The following SLC35G2 variants were observed in gnomAD, a reference collection of about 807,000 sequenced individuals.
The protein encoded by SLC35G2 is solute carrier family 35 member G2.
SLC35G2 carries 20 observed loss-of-function variants against 27.2 expected under a neutral mutation model. That is an observed-to-expected ratio of 0.74 (90% CI 0.52 to 1.07). SLC35G2 has a LOEUF of 1.07. SLC35G2 is among the 50% of genes least tolerant of loss of function. The pLI is 0.00. For synonymous variants in SLC35G2, 148 were observed against 165.3 expected (o/e 0.90, Z 0.80); for missense variants, 416 against 493.3 (o/e 0.84, Z 1.48).
At chr3:136,854,342 C>T (rs896624752) in intron 1 of SLC35G2, 101 bp from the exon 2 acceptor site, 1 of 768,664 alleles carries the variant, frequency 1.3e-6, no homozygotes, top group South Asian at 2.0e-5. Flanking sequence ...ACTACTGTTA[C>T]AGCCTCTACT....
Position 136,855,828 on chromosome 3 carries a change from C to A in SLC35G2, c.*129C>A. 3 of 662,422 alleles carry A rather than the reference C, an allele frequency of 4.5e-6. No individual in the cohort carries two copies. Among genetic ancestry groups the A allele is most frequent in the Non-Finnish European group, 7.6e-6 (3 of 394,474 alleles). 41.0% of individuals were successfully genotyped at this position (662,422 alleles called of 1,614,324 possible). A position where few individuals can be genotyped will look rare whatever the true frequency, so the allele number is the denominator to read the frequency against. ...ATAAAATATATAATATATACAAATG[C>A]AGAAAATTTATTCTAGTCTAATATA... On this transcript the variant is annotated 3_prime_UTR_variant, in exon 2 of 2. Coordinates refer to ENST00000446465, the MANE Select transcript of SLC35G2 (RefSeq NM_025246.3).
chr3:136,855,273 A>G lies in SLC35G2; in HGVS notation c.813A>G (p.Ser271=). The part of the protein sequence containing the change: ...TVMAGLTTAL[S]MIVYRSIKEK... ...TGGCTGGACTGACCACTGCTCTCTC[A>G]ATGATAGTATACAGATCCATCAAGG... is the stretch of plus-strand genomic sequence containing the variant. The change falls in exon 2 of 2, where the codon TCA becomes TCG. Residue 271 remains serine (S), a synonymous_variant. Transcript: ENST00000446465. 1 of 1,613,998 alleles carries G rather than the reference A, an allele frequency of 6.2e-7. No individual in the cohort carries two copies. Among genetic ancestry groups the G allele is most frequent in the Non-Finnish European group, 8.5e-7 (1 of 1,179,848 alleles).
chr3:136,847,970 C>G (rs1456082169), intron 1 of SLC35G2, among the ~76,000 whole-genome samples: 1 of 152,148 alleles, frequency 6.6e-6, no homozygotes, highest in Non-Finnish European at 1.5e-5. Context: ...GAGCAAGACT[C>G]TGTCTCAAAA....
intron 1 of SLC35G2, among the ~76,000 whole-genome samples, chr3:136,821,990 G>GTA (rs930324561): frequency 1.3e-5 from 2 of 151,782 alleles, no homozygotes; most frequent in African/African-American, 2.4e-5. Context: ...TGGTACATAG[G>GTA]TATATATATA....
intron 1 of SLC35G2, among the ~76,000 whole-genome samples, chr3:136,851,149 G>A (rs1385564384): frequency 6.6e-6 from 1 of 152,048 alleles, no homozygotes; most frequent in Non-Finnish European, 1.5e-5. Context: ...AGTGGCTAGA[G>A]GTGAGGAAAG....
rs765540686 is a variant in SLC35G2, at chr3:136,854,465, A to G, written c.5A>G (p.Asp2Gly). 6.4e-7 allele frequency: 1 copy of G among 1,570,896 alleles called. No homozygotes were observed. Among genetic ancestry groups the G allele is most frequent in the Non-Finnish European group, 8.6e-7 (1 of 1,159,208 alleles). The change falls in exon 2 of 2, where the codon GAT becomes GGT. Residue 2 changes from aspartate to glycine, a missense_variant. Transcript: ENST00000446465. Reference sequence around the variant, plus strand: ...TAGAATTGATTATCTGAAGAAATGGATACTTCTCCCTCCAGAAAATATCCA... The same window carrying G: ...TAGAATTGATTATCTGAAGAAATGGGTACTTCTCCCTCCAGAAAATATCCA... M[D>G]TSPSRKYPVK...
At chr3:136,837,683 T>G (rs1936911958) in intron 1 of SLC35G2, 1 of 152,188 alleles carries the variant, frequency 6.6e-6, no homozygotes, top group African/African-American at 2.4e-5. Context: ...TTTCCAATTT[T>G]TCATTGTATA....
chr3:136,849,124 G>C (rs1413309512), intron 1 of SLC35G2, among the ~76,000 whole-genome samples: 1 of 151,312 alleles, frequency 6.6e-6, no homozygotes, highest in Non-Finnish European at 1.5e-5. Context: ...GTTGTAGTGA[G>C]CCAAGATCAT....
At chr3:136,853,049 T>G (rs1937751339) in intron 1 of SLC35G2, among the ~76,000 whole-genome samples, 1 of 152,194 alleles carries the variant, frequency 6.6e-6, no homozygotes, top group South Asian at 2.1e-4. Context: ...ATTCTTACAG[T>G]AAGTTCAACT....
rs114346873 is a variant in SLC35G2 at position 136,824,798 on chromosome 3, G to A, written c.-19+5170G>A. Among the ~76,000 whole-genome samples, 1,324 of 152,054 alleles carry A rather than the reference G, an allele frequency of 8.7e-3. 8 individuals carry two copies. Among genetic ancestry groups the A allele is most frequent in the Non-Finnish European group, 0.016 (1,055 of 68,000 alleles). Reference sequence around the variant, plus strand: ...AAGTTCTAGGGTACATATGCACAACGTCCAGGTTTGTTACATAGGTATACA... The same window carrying A: ...AAGTTCTAGGGTACATATGCACAACATCCAGGTTTGTTACATAGGTATACA... On this transcript the variant is annotated intron_variant, in intron 1 of 1. Coordinates refer to ENST00000446465, the MANE Select transcript of SLC35G2 (RefSeq NM_025246.3).
At chr3:136,822,478 C>A (rs1318154532) in intron 1 of SLC35G2, among the ~76,000 whole-genome samples, 1 of 152,164 alleles carries the variant, frequency 6.6e-6, no homozygotes, top group African/African-American at 2.4e-5. Context: ...CCACACCCAG[C>A]TAATTTTTGT....
intron 1 of SLC35G2, among the ~76,000 whole-genome samples, chr3:136,833,776 T>A (rs79729526): frequency 6.6e-6 from 1 of 152,112 alleles, no homozygotes; most frequent in Non-Finnish European, 1.5e-5. Flanking sequence ...CACAGACTAG[T>A]ACTAGTTCAT....
intron 1 of SLC35G2, among the ~76,000 whole-genome samples, chr3:136,831,731 A>T (rs1465934166): frequency 6.6e-6 from 1 of 152,186 alleles, no homozygotes; most frequent in African/African-American, 2.4e-5. Context: ...CCTGGGTTTG[A>T]AGCCTGACTG....
Position 136,855,098 on chromosome 3 carries a change from T to A in SLC35G2, c.638T>A (p.Leu213His). Residue 213 changes from leucine to histidine, a missense_variant, in exon 2 of 2, where the codon CTC becomes CAC. By Grantham distance (99) the Leu-to-His change is moderately conservative. Transcript: ENST00000446465. ...TVFSAILAFL[L>H]VDEKMAYVDM... Reference sequence around the variant, plus strand: ...TTCAGTGCCATTTTGGCTTTTTTACTCGTAGATGAGAAAATGGCTTATGTT... The same window carrying A: ...TTCAGTGCCATTTTGGCTTTTTTACACGTAGATGAGAAAATGGCTTATGTT... 1 of 1,614,222 alleles carries A rather than the reference T, an allele frequency of 6.2e-7. No homozygotes were observed. The highest frequency in any genetic ancestry group is 1.3e-5 in the African/African-American group (1 of 75,078).
At chr3:136,832,507 T>C (rs1936755091) in intron 1 of SLC35G2, among the ~76,000 whole-genome samples, 1 of 152,256 alleles carries the variant, frequency 6.6e-6, no homozygotes, top group African/African-American at 2.4e-5. Flanking sequence ...TTAATGTGCA[T>C]AGTACTTGTT....
Position 136,854,844 on chromosome 3 carries a change from G to A in SLC35G2, c.384G>A (p.Arg128=). 1 of 1,614,126 alleles carries A rather than the reference G, an allele frequency of 6.2e-7. No homozygotes were observed. Among genetic ancestry groups the A allele is most frequent in the Non-Finnish European group, 8.5e-7 (1 of 1,180,026 alleles). Residue 128 remains arginine (R), a synonymous_variant, in exon 2 of 2, where the codon CGG becomes CGA. Transcript: ENST00000446465. The part of the protein sequence containing the change: ...VALITRLVSD[R]SKVPSLELIF... ...TTATCACTAGGCTTGTTTCTGATCG[G>A]TCTAAAGTTCCATCTCTAGAACTGA...
Position 136,854,958 on chromosome 3 carries a change from A to G in SLC35G2, c.498A>G (p.Leu166=), listed in dbSNP as rs1937914186. 1.2e-6 allele frequency: 2 copies of G among 1,614,054 alleles called. No individual in the cohort carries two copies. The highest frequency in any genetic ancestry group is 1.7e-5 in the Admixed American group (1 of 59,990). Reference sequence around the variant, plus strand: ...CCTTTGGACCCAGTGGATACAGATTACGACTCTTCTTTTATGGTGTATGCA... The same window carrying G: ...CCTTTGGACCCAGTGGATACAGATTGCGACTCTTCTTTTATGGTGTATGCA... The part of the protein sequence containing the change: ...EAPFGPSGYR[L]RLFFYGVCNV... Residue 166 remains leucine (L), a synonymous_variant, in exon 2 of 2, where the codon TTA becomes TTG. Coordinates refer to ENST00000446465, the MANE Select transcript of SLC35G2 (RefSeq NM_025246.3).
intron 1 of SLC35G2, among the ~76,000 whole-genome samples, chr3:136,822,121 G>T (rs1936472448): frequency 6.6e-6 from 1 of 152,066 alleles, no homozygotes; most frequent in Non-Finnish European, 1.5e-5. Context: ...CAATCCAGCT[G>T]TACTCTTCTA....
chr3:136,848,577 G>T (rs995993243), intron 1 of SLC35G2, among the ~76,000 whole-genome samples: 1 of 152,118 alleles, frequency 6.6e-6, no homozygotes, highest in South Asian at 2.1e-4. Flanking sequence ...TGAATCTGGG[G>T]TGACAAAAAG....
Sources: gnomAD v4.1 joint callset for allele counts (sites outside exome capture counted in the v4.1 genomes callset) on GRCh38, gnomAD v4.1.1 for gene constraint, MANE v1.5 for transcripts, NCBI Gene and HGNC (gene_info 2026-07-23, HGNC 2026-07-21) for gene names.